PLCG1: variants seen among roughly 807,000 people sequenced by gnomAD.
PLCG1 encodes the protein 1-phosphatidylinositol 4,5-bisphosphate phosphodiesterase gamma-1.
A neutral mutation model predicts 177.8 loss-of-function variants in PLCG1; 71 were observed. The observed-to-expected ratio is 0.40, with a 90% CI of 0.33 to 0.49. The LOEUF (loss-of-function observed/expected upper bound fraction) is 0.49, where lower values mean the gene tolerates loss of function less well. Ranked by LOEUF, PLCG1 falls within the 20% of genes least tolerant of loss-of-function variation. The pLI is 0.72. For missense variants in PLCG1, 1,281 were observed against 1,709.0 expected (o/e 0.75, Z 4.42); for synonymous variants, 658 against 647.9 (o/e 1.02, Z -0.24).
rs545138191 is a variant in PLCG1, at chr20:41,153,306, C to T, written c.218-6300C>T. Among the ~76,000 whole-genome samples, 6 of 152,242 alleles carry T rather than the reference C, an allele frequency of 3.9e-5. No homozygotes were observed. Among genetic ancestry groups the T allele is most frequent in the South Asian group, 4.1e-4 (2 of 4,824 alleles). The stretch of plus-strand genomic sequence containing the variant: ...TTTTGTGTTTTTAGAGAAAGGATCT[C>T]GCTTTGTTGGCCAGGCTGGAGTACA... On this transcript the variant is annotated intron_variant, in intron 1 of 31. Coordinates refer to ENST00000685551, the MANE Select transcript of PLCG1 (RefSeq NM_002660.3). This position sits in a 1 kb window ranked among gnomAD's most constrained non-coding sequence, Gnocchi z 5.1.
At position 41,164,279 on chromosome 20, in the gene PLCG1, C is replaced by T. The variant is rs2035609901; in HGVS notation, c.1217+78C>T. 7.0e-7 allele frequency: 1 copy of T among 1,438,698 alleles called. No homozygotes were observed. Among genetic ancestry groups the T allele is most frequent in the Non-Finnish European group, 9.7e-7 (1 of 1,029,222 alleles). The allele number at this position is 1,438,698 out of a possible 1,614,324, so 89.1% of individuals were successfully genotyped here. On this transcript the variant is annotated intron_variant, in intron 12 of 31. Coordinates refer to ENST00000685551, the MANE Select transcript of PLCG1 (RefSeq NM_002660.3). This position sits in a 1 kb window ranked among gnomAD's most constrained non-coding sequence, Gnocchi z 6.4. ...TCTAGAGGGACAGAGGGCAGAAAGA[C>T]TCCTCAAATGCCCTGTCCCCTCTCC... is the stretch of plus-strand genomic sequence containing the variant.
intron 1 of PLCG1, among the ~76,000 whole-genome samples, chr20:41,138,530 C>T (rs1368846091): frequency 6.7e-6 from 1 of 148,322 alleles, no homozygotes; most frequent in African/African-American, 2.5e-5. Flanking sequence ...GTTTTGGAGG[C>T]CTATGTGGGT....
chr20:41,170,489 C>T (rs759359805), intron 24 of PLCG1: 37 of 541,896 alleles, frequency 6.8e-5, no homozygotes, highest in Admixed American at 3.3e-5. Context: ...ACTGATGGGT[C>T]GTTGAAGTGG....
rs1329476704 is a variant in PLCG1 at position 41,165,929 on chromosome 20, A to G, written c.1799+103A>G. The stretch of plus-strand genomic sequence containing the variant: ...AACATTTGAGCCTTTGATCCAGGAC[A>G]ATAATTAGGCTTTACATGGAACATA... On this transcript the variant is annotated intron_variant, in intron 16 of 31. Coordinates refer to ENST00000685551, the MANE Select transcript of PLCG1 (RefSeq NM_002660.3). The surrounding 1 kb of genome is among the most constrained non-coding windows in gnomAD (Gnocchi z 6.6). 4.0e-6 allele frequency: 4 copies of G among 994,874 alleles called. No individual in the cohort carries two copies. Among genetic ancestry groups the G allele is most frequent in the Admixed American group, 2.4e-5 (1 of 41,938 alleles). 61.6% of individuals were successfully genotyped at this position (994,874 alleles called of 1,614,324 possible).
chr20:41,168,966 A>C (rs2035798422), intron 21 of PLCG1, 96 bp downstream of exon 21: 2 of 1,142,050 alleles, frequency 1.8e-6, no homozygotes, highest in South Asian at 2.5e-5. Flanking sequence ...TCCTGTGTGC[A>C]CCAGCAGTGC....
At position 41,150,063 on chromosome 20, in the gene PLCG1, C is replaced by T. The variant is rs1454521368; in HGVS notation, c.218-9543C>T. On this transcript the variant is annotated intron_variant, in intron 1 of 31. Transcript: ENST00000685551. This position sits in a 1 kb window ranked among gnomAD's most constrained non-coding sequence, Gnocchi z 4.0. Reference sequence around the variant, plus strand: ...ATAATCAGCCTGGCGTTGTGGTTTGCCTGTAGTCCCAGCTACCTGAAAGGC... The same window carrying T: ...ATAATCAGCCTGGCGTTGTGGTTTGTCTGTAGTCCCAGCTACCTGAAAGGC... Among the ~76,000 whole-genome samples, 9 of 152,130 alleles carry T rather than the reference C, an allele frequency of 5.9e-5. No individual in the cohort carries two copies. The highest frequency in any genetic ancestry group is 8.8e-5 in the Non-Finnish European group (6 of 68,026).
rs187271812 is a variant in PLCG1 at position 41,173,236 on chromosome 20, A to G, written c.3280-184A>G. On this transcript the variant is annotated intron_variant, in intron 27 of 31. Coordinates refer to ENST00000685551, the MANE Select transcript of PLCG1 (RefSeq NM_002660.3). This position sits in a 1 kb window ranked among gnomAD's most constrained non-coding sequence, Gnocchi z 6.2. ...CTAAAGCTCAGACTTCAGATAAACTACAGGCAGCAGCTGCTCTGGACAGCT... is the reference window on the plus strand; with the variant it reads ...CTAAAGCTCAGACTTCAGATAAACTGCAGGCAGCAGCTGCTCTGGACAGCT... Among the ~76,000 whole-genome samples the G allele has an allele frequency of 6.6e-6, 1 of 152,324 alleles. No homozygotes were observed. The highest frequency in any genetic ancestry group is 1.5e-5 in the Non-Finnish European group (1 of 68,036).
chr20:41,163,706 T>G lies in PLCG1; in HGVS notation c.892-9T>G. 1 of 1,570,242 alleles carries G rather than the reference T, an allele frequency of 6.4e-7. No individual in the cohort carries two copies. Among genetic ancestry groups the G allele is most frequent in the Non-Finnish European group, 8.8e-7 (1 of 1,139,960 alleles). ...CACTGTCTCTTCCCTTCCACATGTT[T>G]CTGGACAGTTTGTCACCTTCCTGTT... On this transcript the variant is annotated splice_polypyrimidine_tract_variant and intron_variant, in intron 9 of 31. Transcript: ENST00000685551. The surrounding 1 kb of genome is among the most constrained non-coding windows in gnomAD (Gnocchi z 5.2).
chr20:41,142,129 A>G (rs1326157971), intron 1 of PLCG1, among the ~76,000 whole-genome samples: 1 of 152,272 alleles, frequency 6.6e-6, no homozygotes, highest in Non-Finnish European at 1.5e-5. Context: ...TGTGTGTTAC[A>G]TACCATAATA....
At position 41,174,362 on chromosome 20, in the gene PLCG1, C is replaced by T; in HGVS notation, c.3833+51C>T. On this transcript the variant is annotated intron_variant, in intron 31 of 31. Coordinates refer to ENST00000685551, the MANE Select transcript of PLCG1 (RefSeq NM_002660.3). This position sits in a 1 kb window ranked among gnomAD's most constrained non-coding sequence, Gnocchi z 5.8. ...GCCAGGAAGGCAGTGGCTAGGTCCT[C>T]CTTCTTCAGTGTTTCTTTCTCCTGG... The T allele has an allele frequency of 1.2e-6, 2 of 1,602,898 alleles. No individual in the cohort carries two copies. Among genetic ancestry groups the T allele is most frequent in the Non-Finnish European group, 1.7e-6 (2 of 1,170,392 alleles).
rs2035565035 is a variant in PLCG1 at position 41,163,053 on chromosome 20, G to A, written c.716+61G>A. On this transcript the variant is annotated intron_variant, in intron 7 of 31. Transcript: ENST00000685551. This position sits in a 1 kb window ranked among gnomAD's most constrained non-coding sequence, Gnocchi z 5.2. Reference sequence around the variant, plus strand: ...GGCCCCCTTCATCTCTCCACTGGGCGATTCTTGATCCAGGTGGGAGGCAGT... The same window carrying A: ...GGCCCCCTTCATCTCTCCACTGGGCAATTCTTGATCCAGGTGGGAGGCAGT... 2 of 1,560,930 alleles carry A rather than the reference G, an allele frequency of 1.3e-6. No homozygotes were observed. Among genetic ancestry groups the A allele is most frequent in the Non-Finnish European group, 1.8e-6 (2 of 1,131,584 alleles).
chr20:41,152,246 A>G (rs534266506), intron 1 of PLCG1, among the ~76,000 whole-genome samples: 1 of 152,172 alleles, frequency 6.6e-6, no homozygotes, highest in Non-Finnish European at 1.5e-5. Flanking sequence ...ACTCTCCTGA[A>G]TCTCCTCATG....
In PLCG1 at chr20:41,146,202, A is replaced by G. The variant is rs899209901; in HGVS notation, c.217+8344A>G. 4.6e-5 allele frequency among the ~76,000 whole-genome samples: 7 copies of G among 152,218 alleles called. No individual in the cohort carries two copies. The highest frequency in any genetic ancestry group is 1.3e-4 in the Admixed American group (2 of 15,282). ...TTTTTACTGAGCCCAGGCCTGGCAC[A>G]GAGGAGGCTGGAGTTAGGAAGCAAG... is the stretch of plus-strand genomic sequence containing the variant. On this transcript the variant is annotated intron_variant, in intron 1 of 31. Coordinates refer to ENST00000685551, the MANE Select transcript of PLCG1 (RefSeq NM_002660.3). The surrounding 1 kb of genome is among the most constrained non-coding windows in gnomAD (Gnocchi z 6.3).
At position 41,165,426 on chromosome 20, in the gene PLCG1, A is replaced by T; in HGVS notation, c.1510-24A>T. On this transcript the variant is annotated intron_variant, in intron 14 of 31. Coordinates refer to ENST00000685551, the MANE Select transcript of PLCG1 (RefSeq NM_002660.3). The surrounding 1 kb of genome is among the most constrained non-coding windows in gnomAD (Gnocchi z 6.6). ...AGTGGGTGTGAGGACCCTGGCTCAC[A>T]AGTCCCTCTTTGGTCTGTTCCAGGA... The T allele has an allele frequency of 1.2e-6, 2 of 1,614,028 alleles. No homozygotes were observed. Among genetic ancestry groups the T allele is most frequent in the Non-Finnish European group, 1.7e-6 (2 of 1,179,912 alleles).
At chr20:41,143,680 G>A (rs2034903217) in intron 1 of PLCG1, among the ~76,000 whole-genome samples, 1 of 152,220 alleles carries the variant, frequency 6.6e-6, no homozygotes, top group South Asian at 2.1e-4. Flanking sequence ...AGTGCCTGGA[G>A]ATTTGTGGCT....
rs567064607 is a variant in PLCG1, at chr20:41,166,201, G to A, written c.1807G>A (p.Gly603Arg). ...GDYTLSFWRN[G>R]KVQHCRIHSR... is the part of the protein sequence containing the mutation. ...ACTCTGTGTCTTCCACAGGCGGAAC[G>A]GGAAAGTCCAGCACTGCCGTATCCA... is the stretch of plus-strand genomic sequence containing the variant. Residue 603 changes from glycine to arginine, a missense_variant, in exon 17 of 32, where the codon GGG becomes AGG. Physicochemically the swap from Gly to Arg is moderately radical, Grantham distance 125 (BLOSUM62 -2). This residue lies in a region of PLCG1 where 723 missense variants were observed against 1,030.0 expected (regional missense o/e 0.70). Transcript: ENST00000685551. The surrounding 1 kb of genome is among the most constrained non-coding windows in gnomAD (Gnocchi z 8.6). 19 of 1,613,080 alleles carry A rather than the reference G, an allele frequency of 1.2e-5. No homozygotes were observed. The highest frequency in any genetic ancestry group is 4.0e-5 in the African/African-American group (3 of 75,048).
rs2076148 is a variant in PLCG1 at position 41,160,215 on chromosome 20, A to G, written c.512+62A>G. 765,289 of 1,495,098 alleles carry G rather than the reference A, an allele frequency of 0.51. 201,299 individuals are homozygous for G. Among genetic ancestry groups the G allele is most frequent in the East Asian group, 0.83 (36,779 of 44,238 alleles). The allele number at this position is 1,495,098 out of a possible 1,614,324, so 92.6% of individuals were successfully genotyped here. ...GGGATGGGCATCCAGAACCTTAGCC[A>G]GGCCTCTAAGTAGCTGCCCGGAGAG... On this transcript the variant is annotated intron_variant, in intron 4 of 31. Transcript: ENST00000685551. This position sits in a 1 kb window ranked among gnomAD's most constrained non-coding sequence, Gnocchi z 5.5.
rs1434886848 is a variant in PLCG1 at position 41,177,101 on chromosome 20, C to G, written c.*2592C>G. On this transcript the variant is annotated 3_prime_UTR_variant, in exon 32 of 32. Transcript: ENST00000685551. ...GCACAAACCAAAAGAGCAGGCAGGG[C>G]CGGGAGAGGGAAGTCAGTGGTACCA... is the stretch of plus-strand genomic sequence containing the variant. 6.6e-6 allele frequency: 1 copy of G among 152,268 alleles called. No homozygotes were observed. The highest frequency in any genetic ancestry group is 1.5e-5 in the Non-Finnish European group (1 of 68,072). The allele number at this position is 152,268 out of a possible 1,614,324, so 9.4% of individuals were successfully genotyped here.
chr20:41,138,093 C>T (rs1462547939), intron 1 of PLCG1: 1 of 363,364 alleles, frequency 2.8e-6, no homozygotes, highest in East Asian at 4.0e-5. Flanking sequence ...GGGGAGTGTT[C>T]CAGGCGCTTT....
Sources: allele counts gnomAD v4.1 joint callset (sites outside exome capture counted in the v4.1 genomes callset), GRCh38; gene constraint gnomAD v4.1.1; regional missense constraint gnomAD v4.1.1; non-coding constraint Gnocchi (gnomAD v3.1); transcripts MANE v1.5; gene names NCBI Gene and HGNC (gene_info 2026-07-23, HGNC 2026-07-21).